The following DIP2C variants were observed in gnomAD, a reference collection of about 807,000 sequenced individuals.
DIP2C encodes disco-interacting protein 2 homolog C.
A neutral mutation model predicts 192.4 loss-of-function variants in DIP2C; 33 were observed. The ratio of observed to expected loss-of-function variants is 0.17; its 90% CI spans 0.13 to 0.23. DIP2C has a LOEUF of 0.23. Ranked by LOEUF, DIP2C falls within the 10% of genes least tolerant of loss-of-function variation. DIP2C has a pLI of 1.00. For synonymous variants in DIP2C, 979 were observed against 864.1 expected, an observed-to-expected ratio of 1.13 and a Z score of -2.33; for missense variants, 1,537 against 2,110.1, an observed-to-expected ratio of 0.73 and a Z score of 5.32.
intron 4 of DIP2C, 63 bp downstream of exon 4, chr10:440,808 G>A (rs979089216): frequency 6.5e-7 from 1 of 1,546,338 alleles, no homozygotes; most frequent in African/African-American, 1.4e-5. Flanking sequence ...TGATTGCTGG[G>A]CTAGGTCAAT....
intron 17 of DIP2C, among the ~76,000 whole-genome samples, chr10:378,652 C>T (rs1181166277): frequency 6.7e-6 from 1 of 148,340 alleles, no homozygotes; most frequent in Non-Finnish European, 1.5e-5. Flanking sequence ...TAAAGACACA[C>T]ATGAACAGAT....
intron 1 of DIP2C, among the ~76,000 whole-genome samples, chr10:649,398 T>C (rs1485642114): frequency 6.6e-6 from 1 of 152,242 alleles, no homozygotes; most frequent in Non-Finnish European, 1.5e-5. Flanking sequence ...AGAGGGAAAC[T>C]GAGTCCAGGT....
At chr10:379,798 G>A (rs569302649) in intron 17 of DIP2C, among the ~76,000 whole-genome samples, 5 of 152,252 alleles carry the variant, frequency 3.3e-5, no homozygotes, top group Non-Finnish European at 7.3e-5. Flanking sequence ...GCACCTGGAA[G>A]TTCAGTCTCT....
At chr10:604,901 T>C (rs563251526) in intron 1 of DIP2C, among the ~76,000 whole-genome samples, 2 of 152,290 alleles carry the variant, frequency 1.3e-5, no homozygotes, top group Admixed American at 1.3e-4. Context: ...CGAGTTTCTG[T>C]CAGAAGTGGC....
intron 1 of DIP2C, among the ~76,000 whole-genome samples, chr10:533,537 G>T (rs572960592): frequency 6.6e-6 from 1 of 151,906 alleles, no homozygotes; most frequent in African/African-American, 2.4e-5. Flanking sequence ...GTGTGTTCAG[G>T]AGTGTGAAGG....
intron 3 of DIP2C, among the ~76,000 whole-genome samples, chr10:444,623 G>A (rs958373196): frequency 1.3e-5 from 2 of 152,034 alleles, no homozygotes; most frequent in Non-Finnish European, 2.9e-5. Flanking sequence ...TTCATGAGGA[G>A]TGTTCCTTGG....
At chr10:367,226 G>T (rs912506810) in intron 18 of DIP2C, among the ~76,000 whole-genome samples, 1 of 152,126 alleles carries the variant, frequency 6.6e-6, no homozygotes, top group Non-Finnish European at 1.5e-5. Context: ...GACCATCCTG[G>T]CTAACATGGT....
At chr10:686,939 C>T (rs1319732290) in intron 1 of DIP2C, among the ~76,000 whole-genome samples, 2 of 152,266 alleles carry the variant, frequency 1.3e-5, no homozygotes, top group Non-Finnish European at 2.9e-5. Flanking sequence ...CTACTCTTTC[C>T]TTCAGTCTAT....
At chr10:289,264 C>T (rs551194874) in intron 32 of DIP2C, among the ~76,000 whole-genome samples, 1 of 93,002 alleles carries the variant, frequency 1.1e-5, no homozygotes, top group African/African-American at 3.9e-5. Context: ...TACCATCCCC[C>T]AGTGATGTTT....
intron 20 of DIP2C, 125 bp downstream of exon 20, chr10:364,249 A>C: frequency 8.7e-7 from 1 of 1,145,004 alleles, no homozygotes; most frequent in Non-Finnish European, 1.2e-6. Flanking sequence ...TTGCTTCAAT[A>C]ACATGGAAGA....
intron 1 of DIP2C, chr10:662,743 T>C: frequency 1.6e-6 from 1 of 616,904 alleles, no homozygotes; most frequent in South Asian, 2.0e-5. Flanking sequence ...TTTAAAGGTT[T>C]CAAATCTAAC....
Position 369,485 on chromosome 10 carries a change from C to G in DIP2C, c.2131+9G>C, listed in dbSNP as rs1960698427. 1.9e-5 allele frequency: 29 copies of G among 1,529,494 alleles called. No individual in the cohort carries two copies. Among genetic ancestry groups the G allele is most frequent in the Non-Finnish European group, 2.2e-5 (25 of 1,136,640 alleles). The allele number at this position is 1,529,494 out of a possible 1,614,324, so 94.7% of individuals were successfully genotyped here. A position where few individuals can be genotyped will look rare whatever the true frequency, so the allele number is the denominator to read the frequency against. On this transcript the variant is annotated intron_variant, in intron 18 of 36. Transcript: ENST00000280886. The stretch of plus-strand genomic sequence containing the variant: ...TGGTTAATCTGTGCAGCTCGCGACC[C>G]ACACTCACCTCCAGGCATCACGAGG...
At chr10:588,442 C>G (rs1851212105) in intron 1 of DIP2C, among the ~76,000 whole-genome samples, 1 of 152,258 alleles carries the variant, frequency 6.6e-6, no homozygotes, top group Non-Finnish European at 1.5e-5. Flanking sequence ...GAACCTGAGG[C>G]TCCGCACTGG....
chr10:399,977 G>A (rs997418744), intron 9 of DIP2C, among the ~76,000 whole-genome samples: 28 of 152,300 alleles, frequency 1.8e-4, no homozygotes, highest in African/African-American at 6.3e-4. Context: ...CCTAAGAGTA[G>A]AATTATCAGA....
intron 1 of DIP2C, among the ~76,000 whole-genome samples, chr10:545,795 T>TA (rs1848256542): frequency 6.6e-6 from 1 of 152,184 alleles, no homozygotes; most frequent in South Asian, 2.1e-4. Context: ...TCCATGTGGA[T>TA]ATCCAGTTGT....
At chr10:353,541 C>CA (rs1246345776) in intron 24 of DIP2C, among the ~76,000 whole-genome samples, 1 of 152,126 alleles carries the variant, frequency 6.6e-6, no homozygotes, top group South Asian at 2.1e-4. Context: ...AGGCATGTGC[C>CA]AAAACACCCA....
chr10:613,155 A>G lies in DIP2C; in HGVS notation c.85+76339T>C, dbSNP rs527471958. The stretch of plus-strand genomic sequence containing the variant: ...ACAGTCACTCATTTCAGGGGAAATT[A>G]CCAGAGTTCATAACATGTGAATTTT... On this transcript the variant is annotated intron_variant, in intron 1 of 36. Transcript: ENST00000280886. 7.9e-5 allele frequency among the ~76,000 whole-genome samples: 12 copies of G among 152,342 alleles called. No individual in the cohort carries two copies. In the South Asian group the frequency reaches 2.5e-3, roughly 32 times the overall value.
chr10:301,033 G>C (rs1956020574), intron 32 of DIP2C, among the ~76,000 whole-genome samples: 1 of 152,200 alleles, frequency 6.6e-6, no homozygotes, highest in Non-Finnish European at 1.5e-5. Flanking sequence ...CCAAAGAGAA[G>C]AGCAAGTTTC....
intron 32 of DIP2C, among the ~76,000 whole-genome samples, chr10:290,208 G>C (rs1479098381): frequency 1.3e-5 from 2 of 152,306 alleles, no homozygotes; most frequent in Middle Eastern, 3.4e-3. Flanking sequence ...GTCTTAAATG[G>C]AAACCTTGAT....
Sources: allele counts gnomAD v4.1 joint callset (sites outside exome capture counted in the v4.1 genomes callset), GRCh38; gene constraint gnomAD v4.1.1; transcripts MANE v1.5; gene names NCBI Gene and HGNC (gene_info 2026-07-23, HGNC 2026-07-21).